MDGA2: variants seen among roughly 807,000 people sequenced by gnomAD.
MDGA2 encodes MAM domain-containing glycosylphosphatidylinositol anchor protein 2.
A neutral mutation model predicts 117.8 loss-of-function variants in MDGA2; 40 were observed. That is an observed-to-expected ratio of 0.34 (90% CI 0.26 to 0.44). The LOEUF (loss-of-function observed/expected upper bound fraction) is 0.44. Ranked by LOEUF, MDGA2 falls within the 20% of genes least tolerant of loss-of-function variation. The pLI, the probability that MDGA2 is intolerant of heterozygous loss-of-function variation, is 1.00. For missense variants in MDGA2, 1,123 were observed against 1,250.6 expected (o/e 0.90, Z 1.54); for synonymous variants, 452 against 439.0 (o/e 1.03, Z -0.37).
intron 8 of MDGA2, among the ~76,000 whole-genome samples, chr14:47,026,264 G>A (rs948997594): frequency 1.3e-5 from 2 of 152,158 alleles, no homozygotes. Context: ...GGGAGAGGAA[G>A]TTATGTCTTT....
At chr14:47,289,578 C>T (rs1170691859) in intron 2 of MDGA2, among the ~76,000 whole-genome samples, 1 of 151,812 alleles carries the variant, frequency 6.6e-6, no homozygotes, top group Admixed American at 6.6e-5. Flanking sequence ...TCCAATTCAT[C>T]GATGTTCATG....
At chr14:47,652,384 A>G (rs891553344) in intron 1 of MDGA2, among the ~76,000 whole-genome samples, 10 of 152,178 alleles carry the variant, frequency 6.6e-5, no homozygotes, top group African/African-American at 2.4e-4. Flanking sequence ...GAGAAATCGG[A>G]ACTTTTACTA....
At chr14:47,321,825 C>T (rs1406552674) in intron 1 of MDGA2, among the ~76,000 whole-genome samples, 1 of 152,128 alleles carries the variant, frequency 6.6e-6, no homozygotes, top group African/African-American at 2.4e-5. Flanking sequence ...GCCTTTACTT[C>T]CATCTTCTCT....
intron 11 of MDGA2, among the ~76,000 whole-genome samples, 173 bp from the exon 12 acceptor site, chr14:46,877,682 T>C (rs899879037): frequency 4.6e-5 from 7 of 151,794 alleles, no homozygotes; most frequent in East Asian, 1.9e-4. Context: ...TTTTAGAGGA[T>C]TGAATATAAT....
chr14:47,560,643 T>A (rs1895781364), intron 1 of MDGA2, among the ~76,000 whole-genome samples: 1 of 152,176 alleles, frequency 6.6e-6, no homozygotes, highest in Non-Finnish European at 1.5e-5. Flanking sequence ...CAAATATTTT[T>A]CTCTTATTCT....
chr14:47,478,920 T>C (rs1317788975), intron 1 of MDGA2, among the ~76,000 whole-genome samples: 1 of 152,178 alleles, frequency 6.6e-6, no homozygotes. Flanking sequence ...GAGCCTCACT[T>C]TGGGCTTTTC....
intron 1 of MDGA2, among the ~76,000 whole-genome samples, chr14:47,601,123 CACTG>C (rs1282096550): frequency 1.3e-5 from 2 of 152,106 alleles, no homozygotes; most frequent in African/African-American, 4.8e-5. Flanking sequence ...TATTTTTGAG[CACTG>C]ACTATGTTGT....
At chr14:47,590,008 TG>T (rs1336164635) in intron 1 of MDGA2, among the ~76,000 whole-genome samples, 1 of 151,978 alleles carries the variant, frequency 6.6e-6, no homozygotes, top group Non-Finnish European at 1.5e-5. Context: ...TTTTGTGTAT[TG>T]ATCTTGTACC....
At chr14:46,950,538 T>C (rs958947509) in intron 9 of MDGA2, among the ~76,000 whole-genome samples, 3 of 151,992 alleles carry the variant, frequency 2.0e-5, no homozygotes, top group African/African-American at 7.2e-5. Context: ...CTGGCTAAAA[T>C]ACTGGGATCC....
chr14:47,548,377 C>T (rs965649879), intron 1 of MDGA2, among the ~76,000 whole-genome samples: 8 of 151,432 alleles, frequency 5.3e-5, no homozygotes, highest in Non-Finnish European at 1.2e-4. Flanking sequence ...TGGTTGAAAA[C>T]GGGACAATTT....
chr14:47,208,189 T>C (rs1462880309), intron 3 of MDGA2, among the ~76,000 whole-genome samples: 1 of 152,032 alleles, frequency 6.6e-6, no homozygotes, highest in Non-Finnish European at 1.5e-5. Context: ...TATCCTATAA[T>C]GCCAGTCAAC....
chr14:47,672,882 T>C (rs940954012), intron 1 of MDGA2, among the ~76,000 whole-genome samples: 11 of 152,114 alleles, frequency 7.2e-5, no homozygotes, highest in African/African-American at 2.7e-4. Context: ...TCCTACTCTT[T>C]TCAGGCCCCA....
intron 1 of MDGA2, among the ~76,000 whole-genome samples, chr14:47,486,466 T>C (rs1032293213): frequency 1.3e-5 from 2 of 152,154 alleles, no homozygotes; most frequent in Admixed American, 6.5e-5. Flanking sequence ...TCTGGACTTT[T>C]GAGTTAATGC....
chr14:47,600,758 T>G (rs1010297245), intron 1 of MDGA2, among the ~76,000 whole-genome samples: 9 of 150,810 alleles, frequency 6.0e-5, no homozygotes, highest in African/African-American at 1.7e-4. Context: ...TGCACTGCAC[T>G]TCAATTATCA....
intron 1 of MDGA2, among the ~76,000 whole-genome samples, chr14:47,337,037 C>T (rs1890480735): frequency 6.6e-6 from 1 of 151,980 alleles, no homozygotes; most frequent in Admixed American, 6.6e-5. Flanking sequence ...AATATTGTTA[C>T]ATCTTGCCAA....
chr14:47,313,899 T>C (rs756607684), intron 1 of MDGA2, among the ~76,000 whole-genome samples: 7 of 152,066 alleles, frequency 4.6e-5, no homozygotes, highest in Non-Finnish European at 8.8e-5. Flanking sequence ...AGACGACAAA[T>C]TGCCAAAAGA....
intron 1 of MDGA2, among the ~76,000 whole-genome samples, chr14:47,527,675 C>T (rs1158838929): frequency 6.6e-6 from 1 of 152,110 alleles, no homozygotes; most frequent in Non-Finnish European, 1.5e-5. Context: ...GAGGAGAAGC[C>T]TCAAATGCAG....
intron 1 of MDGA2, among the ~76,000 whole-genome samples, chr14:47,598,776 T>A (rs1896592952): frequency 6.6e-6 from 1 of 152,152 alleles, no homozygotes; most frequent in African/African-American, 2.4e-5. Flanking sequence ...ACACTGTGAG[T>A]GTATTTAATG....
In MDGA2 at chr14:47,061,398, T is replaced by A. The variant is rs916355579; in HGVS notation, c.1376A>T (p.Gln459Leu). The A allele has an allele frequency of 6.2e-7, 1 of 1,613,552 alleles. No homozygotes were observed. Among genetic ancestry groups the A allele is most frequent in the Non-Finnish European group, 8.5e-7 (1 of 1,179,682 alleles). Residue 459 changes from glutamine (Q) to leucine (L), a missense_variant, in exon 7 of 17, where the codon CAG becomes CTG. Transcript: ENST00000399232. ...LRSSERMVIT[Q>L]TDPDVSPGTT... ...TCCCGGAGAGACATCAGGATCAGTC[T>A]GTGTAATGACCATCCGCTCAGAACT...
Sources: gnomAD v4.1 joint callset for allele counts (sites outside exome capture counted in the v4.1 genomes callset) on GRCh38, gnomAD v4.1.1 for gene constraint, MANE v1.5 for transcripts, NCBI Gene and HGNC (gene_info 2026-07-23, HGNC 2026-07-21) for gene names.